STK24: variants seen among roughly 807,000 people sequenced by gnomAD.
The protein encoded by STK24 is serine/threonine-protein kinase 24.
A neutral mutation model predicts 55.6 loss-of-function variants in STK24; 21 were observed. That is an observed-to-expected ratio of 0.38 (90% CI 0.27 to 0.54). The LOEUF (loss-of-function observed/expected upper bound fraction) is 0.54, where lower values mean the gene tolerates loss of function less well. Among genes scored for constraint, STK24 ranks in the 20% least tolerant of loss-of-function variants. STK24 has a pLI of 0.79. For synonymous variants in STK24, 200 were observed against 215.2 expected (o/e 0.93, Z 0.62); for missense variants, 383 against 538.4 (o/e 0.71, Z 2.86).
intron 1 of STK24, among the ~76,000 whole-genome samples, chr13:98,538,031 G>A (rs1036533767): frequency 6.6e-6 from 1 of 151,992 alleles, no homozygotes; most frequent in African/African-American, 2.4e-5. Context: ...GTCACTTGTA[G>A]CTTCCACCCT....
In STK24 at chr13:98,451,290, C is replaced by T. The variant is rs1330500652; in HGVS notation, c.*1883G>A. 1.3e-5 allele frequency: 2 copies of T among 152,170 alleles called. No homozygotes were observed. Among genetic ancestry groups the T allele is most frequent in the Non-Finnish European group, 2.9e-5 (2 of 68,044 alleles). 9.4% of individuals were successfully genotyped at this position (152,170 alleles called of 1,614,324 possible). On this transcript the variant is annotated 3_prime_UTR_variant, in exon 11 of 11. Transcript: ENST00000539966. ...CAAAACTCATCTTTGACTTATGCCG[C>T]CGGCCTCACGTAAGGAAACAGTTCC...
Position 98,448,356 on chromosome 13 carries a change from G to A in STK24, c.*4817C>T, listed in dbSNP as rs770428091. 8 of 1,467,380 alleles carry A rather than the reference G, an allele frequency of 5.5e-6. No homozygotes were observed. In the South Asian group the frequency reaches 6.8e-5, roughly 13 times the overall value. The allele number at this position is 1,467,380 out of a possible 1,614,324, so 90.9% of individuals were successfully genotyped here. A position where few individuals can be genotyped will look rare whatever the true frequency, so the allele number is the denominator to read the frequency against. On this transcript the variant is annotated 3_prime_UTR_variant, in exon 11 of 11. Coordinates refer to ENST00000539966, the MANE Select transcript of STK24 (RefSeq NM_001032296.4). Reference sequence around the variant, plus strand: ...TCGTTTCCGCAGTGGCTGCTTTCCTGGAAGACGTTTCCTTTCTTCTGTATT... The same window carrying A: ...TCGTTTCCGCAGTGGCTGCTTTCCTAGAAGACGTTTCCTTTCTTCTGTATT...
In STK24 at chr13:98,474,754, TA is replaced by T. The variant is rs1376921640; in HGVS notation, c.597+66del. On this transcript the variant is annotated intron_variant, in intron 5 of 10. Transcript: ENST00000539966. ...TTCCAACTTAGAAAAGCTACCAGGC[TA>T]AAGAACAAAAGGCGGGAGCCCTCCA... The T allele has an allele frequency of 2.0e-6, 3 of 1,524,274 alleles. No homozygotes were observed. The African/African-American group carries it at 4.2e-5, about 21-fold the overall frequency. The allele number at this position is 1,524,274 out of a possible 1,614,324, so 94.4% of individuals were successfully genotyped here.
intron 1 of STK24, among the ~76,000 whole-genome samples, 174 bp downstream of exon 1, chr13:98,576,571 G>C (rs888343464): frequency 2.0e-5 from 3 of 151,856 alleles, no homozygotes; most frequent in Admixed American, 1.3e-4. Context: ...CGCCGGAGCC[G>C]GCAGGGACGC....
intron 1 of STK24, among the ~76,000 whole-genome samples, chr13:98,569,423 A>G (rs1897677624): frequency 8.0e-6 from 1 of 125,428 alleles, no homozygotes; most frequent in African/African-American, 2.8e-5. Context: ...CAAAAAAAAA[A>G]AAACAAAAAA....
At chr13:98,514,743 A>G (rs938246459) in intron 2 of STK24, among the ~76,000 whole-genome samples, 2 of 152,248 alleles carry the variant, frequency 1.3e-5, no homozygotes, top group African/African-American at 4.8e-5. Context: ...GATGTTTGAG[A>G]GGAATAAATA....
chr13:98,538,946 A>G (rs1896809011), intron 1 of STK24, among the ~76,000 whole-genome samples: 2 of 152,198 alleles, frequency 1.3e-5, no homozygotes, highest in South Asian at 4.1e-4. Flanking sequence ...CAATTTCTGG[A>G]AGGCATTCGA....
intron 1 of STK24, among the ~76,000 whole-genome samples, chr13:98,545,005 A>G (rs1896994285): frequency 6.6e-6 from 1 of 152,216 alleles, no homozygotes; most frequent in Non-Finnish European, 1.5e-5. Flanking sequence ...AATAAGCAAA[A>G]GGCAAAAACC....
At chr13:98,482,430 CAA>C in intron 2 of STK24, 109 bp from the exon 3 acceptor site, 1 of 616,294 alleles carries the variant, frequency 1.6e-6, no homozygotes, top group Non-Finnish European at 2.8e-6. Context: ...GAAAGTTTTA[CAA>C]ACATGTACCA....
At chr13:98,471,439 C>A (rs1410522878) in intron 5 of STK24, among the ~76,000 whole-genome samples, 1 of 152,162 alleles carries the variant, frequency 6.6e-6, no homozygotes, top group African/African-American at 2.4e-5. Context: ...GTGTTGAAAC[C>A]GGAGGCTTCT....
intron 2 of STK24, among the ~76,000 whole-genome samples, chr13:98,490,507 C>A (rs1248073898): frequency 6.6e-6 from 1 of 152,130 alleles, no homozygotes; most frequent in South Asian, 2.1e-4. Flanking sequence ...TTCCAAACTG[C>A]ATTTTGAACT....
At chr13:98,521,889 C>G in intron 1 of STK24, 2 of 886,572 alleles carry the variant, frequency 2.3e-6, no homozygotes. Context: ...GTCAGTAACC[C>G]CCTTCTCGCT....
rs536126673 is a variant in STK24 at position 98,515,476 on chromosome 13, A to C, written c.273+3767T>G. Among the ~76,000 whole-genome samples the C allele has an allele frequency of 2.1e-4, 32 of 151,032 alleles. 2 individuals are homozygous for C. The South Asian group carries it at 6.3e-3, about 30-fold the overall frequency. ...GAAGTTTTTTCCATGGTCTGTGATC[A>C]TCCTCAAGACCTTTCCAGGCCTCAG... On this transcript the variant is annotated intron_variant, in intron 2 of 10. Transcript: ENST00000539966.
chr13:98,564,712 G>A (rs1594673951), intron 1 of STK24, among the ~76,000 whole-genome samples: 1 of 152,120 alleles, frequency 6.6e-6, no homozygotes, highest in East Asian at 1.9e-4. Context: ...AAAGACTACT[G>A]CACCCTAGAT....
chr13:98,495,353 T>G (rs1370213589), intron 2 of STK24, among the ~76,000 whole-genome samples: 3 of 152,338 alleles, frequency 2.0e-5, no homozygotes, highest in Non-Finnish European at 2.9e-5. Flanking sequence ...TATAGAAGTT[T>G]TAGAAAAGAA....
chr13:98,460,499 T>G, intron 8 of STK24, 59 bp from the exon 9 acceptor site: 4 of 1,443,276 alleles, frequency 2.8e-6, no homozygotes, highest in Non-Finnish European at 2.9e-6. Flanking sequence ...TTGGCAATAA[T>G]TTAATAAACC....
intron 2 of STK24, among the ~76,000 whole-genome samples, chr13:98,502,680 G>A (rs1036525396): frequency 1.3e-5 from 2 of 152,144 alleles, no homozygotes; most frequent in African/African-American, 2.4e-5. Flanking sequence ...TTCCCACCAC[G>A]TCATGACACA....
At chr13:98,517,266 G>A (rs914753299) in intron 2 of STK24, among the ~76,000 whole-genome samples, 12 of 152,160 alleles carry the variant, frequency 7.9e-5, no homozygotes, top group African/African-American at 2.4e-4. Flanking sequence ...ATTTCACAGG[G>A]AATAGTACGC....
intron 2 of STK24, among the ~76,000 whole-genome samples, chr13:98,486,076 G>A (rs553254189): frequency 6.6e-6 from 1 of 152,274 alleles, no homozygotes; most frequent in Admixed American, 6.5e-5. Context: ...GGCTAGGGGA[G>A]GGACAGCATT....
Sources: allele counts gnomAD v4.1 joint callset (sites outside exome capture counted in the v4.1 genomes callset), GRCh38; gene constraint gnomAD v4.1.1; transcripts MANE v1.5; gene names NCBI Gene and HGNC (gene_info 2026-07-23, HGNC 2026-07-21).